The following PTCHD4 variants were observed in gnomAD, a reference collection of about 807,000 sequenced individuals.
The protein encoded by PTCHD4 is patched domain containing 4, also known as patched domain-containing protein 4.
Under a neutral mutation model 58.1 loss-of-function variants are expected in PTCHD4, and 33 were observed. The ratio of observed to expected loss-of-function variants is 0.57; its 90% CI spans 0.43 to 0.76. The LOEUF (loss-of-function observed/expected upper bound fraction) is 0.76. PTCHD4 is among the 30% of genes least tolerant of loss of function. PTCHD4 has a pLI of 0.00. For synonymous variants in PTCHD4, 478 were observed against 409.6 expected, an observed-to-expected ratio of 1.17 and a Z score of -2.02; for missense variants, 1,058 against 1,027.1, an observed-to-expected ratio of 1.03 and a Z score of -0.41.
chr6:48,007,927 T>TGC (rs201892083), intron 4 of PTCHD4, among the ~76,000 whole-genome samples: 2,555 of 60,328 alleles, frequency 0.042, 33 homozygotes, highest in South Asian at 0.15. Flanking sequence ...AAAGAATATG[T>TGC]GCGCGCGCGC....
chr6:47,946,563 C>G (rs1218588257), intron 4 of PTCHD4, among the ~76,000 whole-genome samples: 1 of 151,976 alleles, frequency 6.6e-6, no homozygotes, highest in Non-Finnish European at 1.5e-5. Context: ...TACATTCATC[C>G]TTTGTCTATC....
At chr6:47,880,582 T>C (rs957589915) in intron 4 of PTCHD4, among the ~76,000 whole-genome samples, 2 of 151,902 alleles carry the variant, frequency 1.3e-5, no homozygotes, top group Non-Finnish European at 2.9e-5. Context: ...ACCTTCGGGG[T>C]GAAAAATCTT....
At chr6:47,902,943 G>A (rs1378270872) in intron 4 of PTCHD4, among the ~76,000 whole-genome samples, 2 of 152,150 alleles carry the variant, frequency 1.3e-5, no homozygotes, top group African/African-American at 4.8e-5. Flanking sequence ...CGAGAGTGAA[G>A]GTCTGGTTAG....
At chr6:47,908,067 C>T (rs1310732678) in intron 4 of PTCHD4, among the ~76,000 whole-genome samples, 1 of 152,064 alleles carries the variant, frequency 6.6e-6, no homozygotes, top group Middle Eastern at 3.2e-3. Context: ...TAGAATACTG[C>T]CCAAGCTATG....
chr6:48,007,075 C>T (rs1266107391), intron 4 of PTCHD4, among the ~76,000 whole-genome samples: 1 of 152,040 alleles, frequency 6.6e-6, no homozygotes, highest in African/African-American at 2.4e-5. Flanking sequence ...CTCGTCTCTA[C>T]TAAAAATACA....
At chr6:47,997,621 A>G (rs1768548259) in intron 4 of PTCHD4, among the ~76,000 whole-genome samples, 1 of 152,156 alleles carries the variant, frequency 6.6e-6, no homozygotes, top group Non-Finnish European at 1.5e-5. Context: ...ACTCAGACTG[A>G]TTTGCTAAGG....
At chr6:48,102,904 G>T (rs1297640333) in intron 1 of PTCHD4, among the ~76,000 whole-genome samples, 2 of 152,216 alleles carry the variant, frequency 1.3e-5, no homozygotes, top group Non-Finnish European at 2.9e-5. Context: ...TGAGGCTGGG[G>T]GAGGGGTGCC....
At chr6:48,057,073 G>A (rs908110530) in intron 3 of PTCHD4, among the ~76,000 whole-genome samples, 1 of 152,196 alleles carries the variant, frequency 6.6e-6, no homozygotes, top group Admixed American at 6.5e-5. Context: ...CCCATCAGGT[G>A]CCCAAGCATA....
intron 1 of PTCHD4, among the ~76,000 whole-genome samples, chr6:48,085,077 C>T (rs1216028852): frequency 6.6e-6 from 1 of 151,536 alleles, no homozygotes; most frequent in African/African-American, 2.4e-5. Context: ...AAAAATTAGT[C>T]TGGGCCCTGA....
intron 4 of PTCHD4, among the ~76,000 whole-genome samples, chr6:47,990,700 C>A (rs1768251647): frequency 6.6e-6 from 1 of 152,116 alleles, no homozygotes; most frequent in Admixed American, 6.5e-5. Flanking sequence ...TCAGGTATGT[C>A]TTTATCAGCA....
chr6:47,887,504 G>A (rs1764228988), intron 4 of PTCHD4, among the ~76,000 whole-genome samples: 1 of 152,066 alleles, frequency 6.6e-6, no homozygotes, highest in Non-Finnish European at 1.5e-5. Flanking sequence ...AGTTCACATT[G>A]ACAGAGGTGG....
intron 4 of PTCHD4, among the ~76,000 whole-genome samples, chr6:47,947,794 A>G (rs930016088): frequency 1.3e-4 from 20 of 152,000 alleles, no homozygotes; most frequent in African/African-American, 4.8e-4. Context: ...GGACCTCATG[A>G]CTCTGAGAAA....
intron 1 of PTCHD4, among the ~76,000 whole-genome samples, chr6:48,095,421 C>T (rs1403490098): frequency 2.0e-5 from 3 of 152,132 alleles, no homozygotes; most frequent in African/African-American, 7.2e-5. Context: ...CTGTGGCTCA[C>T]GCCTGTAATC....
Position 47,856,693 on chromosome 6 carries a change from A to G in PTCHD4, c.*21610T>C, listed in dbSNP as rs1763317905. On this transcript the variant is annotated 3_prime_UTR_variant, in exon 5 of 5. Coordinates refer to ENST00000339488, the MANE Select transcript of PTCHD4 (RefSeq NM_001384253.1). ...ATTCATTTTCTTTGACAAAACTTTA[A>G]TTAGAAAACCAGACTCCTCTGATTA... Among the ~76,000 whole-genome samples the G allele has an allele frequency of 6.6e-6, 1 of 152,064 alleles. No homozygotes were observed. Among genetic ancestry groups the G allele is most frequent in the Admixed American group, 6.6e-5 (1 of 15,244 alleles).
chr6:47,935,251 A>G (rs1482913265), intron 4 of PTCHD4, among the ~76,000 whole-genome samples: 2 of 152,228 alleles, frequency 1.3e-5, no homozygotes, highest in Non-Finnish European at 2.9e-5. Flanking sequence ...TATAAGATCA[A>G]TTGGGAAGTC....
intron 4 of PTCHD4, among the ~76,000 whole-genome samples, chr6:47,994,510 A>G (rs1287254674): frequency 6.6e-6 from 1 of 152,206 alleles, no homozygotes; most frequent in Non-Finnish European, 1.5e-5. Context: ...AGAGAAGGCA[A>G]AAGAGAAAAC....
intron 3 of PTCHD4, among the ~76,000 whole-genome samples, chr6:48,019,834 GGA>G (rs1763003961): frequency 6.6e-6 from 1 of 152,160 alleles, no homozygotes; most frequent in African/African-American, 2.4e-5. Context: ...TGGGTACTAA[GGA>G]GGCTTTCTAA....
chr6:48,037,191 G>C lies in PTCHD4; in HGVS notation c.418-28077C>G, dbSNP rs550273059. Among the ~76,000 whole-genome samples, 31 of 152,264 alleles carry C rather than the reference G, an allele frequency of 2.0e-4. 2 individuals are homozygous for C. In the South Asian group the frequency reaches 6.0e-3, roughly 30 times the overall value. ...ATAGTGTAAGATATTTTGAGAGAGA[G>C]AGAGCATATTATCAAAGCTTTTACT... On this transcript the variant is annotated intron_variant, in intron 3 of 4. Coordinates refer to ENST00000339488, the MANE Select transcript of PTCHD4 (RefSeq NM_001384253.1).
At chr6:48,060,014 AT>A (rs1432876032) in intron 3 of PTCHD4, among the ~76,000 whole-genome samples, 1 of 152,156 alleles carries the variant, frequency 6.6e-6, no homozygotes, top group African/African-American at 2.4e-5. Flanking sequence ...ATAATTTGTA[AT>A]TATGAATTTA....
Sources: allele counts gnomAD v4.1 joint callset (sites outside exome capture counted in the v4.1 genomes callset), GRCh38; gene constraint gnomAD v4.1.1; transcripts MANE v1.5; gene names NCBI Gene and HGNC (gene_info 2026-07-23, HGNC 2026-07-21).